Variants in GGA2 observed in about 807,000 individuals in gnomAD.
GGA2 encodes golgi associated, gamma adaptin ear containing, ARF binding protein 2.
GGA2 carries 48 observed loss-of-function variants against 79.5 expected under a neutral mutation model. That is an observed-to-expected ratio of 0.60 (90% confidence interval 0.48 to 0.77). GGA2 has a LOEUF of 0.77. Among genes scored for constraint, GGA2 ranks in the 30% least tolerant of loss-of-function variants. GGA2 has a pLI of 0.00. For missense variants in GGA2, 770 were observed against 774.0 expected (o/e 0.99, Z 0.06); for synonymous variants, 317 against 302.0 (o/e 1.05, Z -0.51).
chr16:23,481,305 G>A (rs1440348830), intron 9 of GGA2, among the ~76,000 whole-genome samples: 2 of 152,112 alleles, frequency 1.3e-5, no homozygotes, highest in Non-Finnish European at 2.9e-5. Context: ...CCCAGGAGAC[G>A]GAGGTTGCAG....
chr16:23,486,260 AC>A, intron 7 of GGA2, 108 bp from the exon 8 acceptor site: 1 of 962,684 alleles, frequency 1.0e-6, no homozygotes. Context: ...CAGGGGCATC[AC>A]CAGGATGTTA....
In GGA2 at chr16:23,469,918, C is replaced by T. The variant is rs149111450; in HGVS notation, c.1620+78G>A. 37 of 1,075,490 alleles carry T rather than the reference C, an allele frequency of 3.4e-5. No homozygotes were observed. The African/African-American group carries it at 4.3e-4, about 13-fold the overall frequency. 66.6% of individuals were successfully genotyped at this position (1,075,490 alleles called of 1,614,324 possible). ...GAGTGAAGATTCTTTCCTTGACACT[C>T]GACAGGTAAGTCCCAGAAAAGAACC... On this transcript the variant is annotated intron_variant, in intron 15 of 16. Coordinates refer to ENST00000309859, the MANE Select transcript of GGA2 (RefSeq NM_015044.4).
At chr16:23,499,256 G>T (rs534059692) in intron 1 of GGA2, among the ~76,000 whole-genome samples, 1 of 150,554 alleles carries the variant, frequency 6.6e-6, no homozygotes, top group Non-Finnish European at 1.5e-5. Context: ...GCGATTCTCC[G>T]GCCTCAGCCT....
chr16:23,503,281 A>G (rs1312114468), intron 1 of GGA2, among the ~76,000 whole-genome samples: 1 of 152,214 alleles, frequency 6.6e-6, no homozygotes, highest in African/African-American at 2.4e-5. Context: ...TTGTGTCTGA[A>G]GATGAAATAT....
At chr16:23,501,550 G>T in intron 1 of GGA2, 1 of 336,154 alleles carries the variant, frequency 3.0e-6, no homozygotes, top group South Asian at 2.4e-5. Context: ...ATAAAGCACA[G>T]AAACTGGAGG....
At position 23,510,380 on chromosome 16, in the gene GGA2, G is replaced by A; in HGVS notation, c.32C>T (p.Ala11Val). MAATAVAAAV[A>V]GTESAQGPPG... ...GGGACCCTGGGCCGACTCGGTTCCC[G>A]CCACAGCCGCCGCCACCGCGGTCGC... is the stretch of plus-strand genomic sequence containing the variant. Residue 11 changes from alanine (A) to valine (V), a missense_variant, in exon 1 of 17, where the codon GCG becomes GTG. Ala to Val is a moderately conservative substitution (Grantham distance 64). Coordinates refer to ENST00000309859, the MANE Select transcript of GGA2 (RefSeq NM_015044.4). The A allele has an allele frequency of 7.1e-7, 1 of 1,411,360 alleles. No individual in the cohort carries two copies. The highest frequency in any genetic ancestry group is 9.3e-7 in the Non-Finnish European group (1 of 1,081,078). 87.4% of individuals were successfully genotyped at this position (1,411,360 alleles called of 1,614,324 possible). A position where few individuals can be genotyped will look rare whatever the true frequency, so the allele number is the denominator to read the frequency against.
chr16:23,465,551 C>A lies in GGA2; in HGVS notation c.*2039G>T, dbSNP rs1278519336. The A allele has an allele frequency of 3.2e-6, 2 of 624,722 alleles. No individual in the cohort carries two copies. Among genetic ancestry groups the A allele is most frequent in the East Asian group, 5.5e-5 (2 of 36,630 alleles). The allele number at this position is 624,722 out of a possible 1,614,324, so 38.7% of individuals were successfully genotyped here. On this transcript the variant is annotated 3_prime_UTR_variant, in exon 17 of 17. Coordinates refer to ENST00000309859, the MANE Select transcript of GGA2 (RefSeq NM_015044.4). ...AGAAAGCCTGTCTTTATGTATAAGTCTCATTCACCCATTTTGACCAAAACC... is the reference window on the plus strand; with the variant it reads ...AGAAAGCCTGTCTTTATGTATAAGTATCATTCACCCATTTTGACCAAAACC...
chr16:23,477,984 G>A (rs1013915625), intron 13 of GGA2, among the ~76,000 whole-genome samples: 1 of 151,814 alleles, frequency 6.6e-6, no homozygotes, highest in African/African-American at 2.4e-5. Context: ...CCTGAGGTCA[G>A]GAGTTTGAGA....
rs1468005843 is a variant in GGA2 at position 23,467,448 on chromosome 16, A to G, written c.*142T>C. ...CACACACACACAGAGCATCTGCAGA[A>G]TAAGTCAGAGGTTGACACCCAGAGC... On this transcript the variant is annotated 3_prime_UTR_variant, in exon 17 of 17. Transcript: ENST00000309859. The G allele has an allele frequency of 1.1e-5, 7 of 620,644 alleles. No homozygotes were observed. The highest frequency in any genetic ancestry group is 2.1e-5 in the Non-Finnish European group (7 of 340,744). The allele number at this position is 620,644 out of a possible 1,614,324, so 38.4% of individuals were successfully genotyped here.
chr16:23,491,663 A>G lies in GGA2; in HGVS notation c.475+14T>C. The G allele has an allele frequency of 6.2e-7, 1 of 1,612,288 alleles. No homozygotes were observed. Among genetic ancestry groups the G allele is most frequent in the Non-Finnish European group, 8.5e-7 (1 of 1,178,570 alleles). ...TAGTCAAGAGGAAATAAGACACAGT[A>G]AGGCAAGTCAGACCTTGTTTCTTCA... On this transcript the variant is annotated intron_variant, in intron 5 of 16. Coordinates refer to ENST00000309859, the MANE Select transcript of GGA2 (RefSeq NM_015044.4).
chr16:23,481,490 A>G (rs891599270), intron 9 of GGA2, among the ~76,000 whole-genome samples: 7 of 152,126 alleles, frequency 4.6e-5, no homozygotes, highest in Admixed American at 6.5e-5. Flanking sequence ...CAAGGAAAAA[A>G]GGCTGTGTGT....
Position 23,465,222 on chromosome 16 carries a change from G to A in GGA2, c.*2368C>T, listed in dbSNP as rs1201004911. On this transcript the variant is annotated 3_prime_UTR_variant, in exon 17 of 17. Transcript: ENST00000309859. Reference sequence around the variant, plus strand: ...GCTGGACTTGAAATCCTGGGCTCAAGCGGTCATCCCACTCAGCCTCCCAAA... The same window carrying A: ...GCTGGACTTGAAATCCTGGGCTCAAACGGTCATCCCACTCAGCCTCCCAAA... The A allele has an allele frequency of 7.8e-6, 5 of 644,288 alleles. No individual in the cohort carries two copies. The Admixed American group carries it at 1.2e-4, about 15-fold the overall frequency. 39.9% of individuals were successfully genotyped at this position (644,288 alleles called of 1,614,324 possible).
At chr16:23,501,530 C>A in intron 1 of GGA2, 1 of 348,662 alleles carries the variant, frequency 2.9e-6, no homozygotes, top group Non-Finnish European at 5.7e-6. Flanking sequence ...ATTTAGTTTT[C>A]CTCACAAAGA....
intron 14 of GGA2, among the ~76,000 whole-genome samples, chr16:23,472,602 G>A (rs1328289776): frequency 2.6e-5 from 4 of 151,876 alleles, no homozygotes; most frequent in African/African-American, 4.8e-5. Context: ...CAGCTACTTG[G>A]GAGGCCAAGG....
intron 5 of GGA2, among the ~76,000 whole-genome samples, chr16:23,490,117 C>A (rs899730374): frequency 8.5e-5 from 13 of 152,200 alleles, no homozygotes; most frequent in Admixed American, 7.9e-4. Context: ...AAGGCTCTCT[C>A]TGAGGTGCAG....
chr16:23,491,226 G>A (rs1458708784), intron 5 of GGA2, among the ~76,000 whole-genome samples: 2 of 147,020 alleles, frequency 1.4e-5, no homozygotes, highest in African/African-American at 5.0e-5. Context: ...AAAATGGCTG[G>A]AGTCCAGAAG....
intron 1 of GGA2, 94 bp downstream of exon 1, chr16:23,510,227 C>T: frequency 5.2e-6 from 4 of 775,354 alleles, no homozygotes; most frequent in Non-Finnish European, 5.4e-6. Flanking sequence ...GCCTCCCCTG[C>T]GGCCGCCCGC....
rs1309479467 is a variant in GGA2 at position 23,467,718 on chromosome 16, G to A, written c.1732-18C>T. The A allele has an allele frequency of 5.4e-6, 7 of 1,304,486 alleles. No homozygotes were observed. Among genetic ancestry groups the A allele is most frequent in the Admixed American group, 3.4e-5 (2 of 59,542 alleles). 80.8% of individuals were successfully genotyped at this position (1,304,486 alleles called of 1,614,324 possible). A position where few individuals can be genotyped will look rare whatever the true frequency, so the allele number is the denominator to read the frequency against. On this transcript the variant is annotated intron_variant, in intron 16 of 16. Transcript: ENST00000309859. ...ATAGGTTCCTGGGACAGAAGAGACA[G>A]AAGATGTCAAATCAGTGGAGAGCAA...
intron 1 of GGA2, among the ~76,000 whole-genome samples, chr16:23,507,422 G>GT (rs1226835634): frequency 6.6e-6 from 1 of 152,218 alleles, no homozygotes; most frequent in African/African-American, 2.4e-5. Flanking sequence ...GAGGTCAGGA[G>GT]TTTGAGACCA....
Sources: allele counts gnomAD v4.1 joint callset (sites outside exome capture counted in the v4.1 genomes callset), GRCh38; gene constraint gnomAD v4.1.1; transcripts MANE v1.5; gene names NCBI Gene and HGNC (gene_info 2026-07-23, HGNC 2026-07-21).